Variants in TTC23 observed in about 807,000 individuals in gnomAD.
TTC23 encodes the protein tetratricopeptide repeat domain 23, also known as tetratricopeptide repeat protein 23.
A neutral mutation model predicts 55.1 loss-of-function variants in TTC23; 58 were observed. The ratio of observed to expected loss-of-function variants is 1.05; its 90% CI spans 0.85 to 1.31. The LOEUF (loss-of-function observed/expected upper bound fraction) is 1.31, where lower values mean the gene tolerates loss of function less well. Ranked by LOEUF, TTC23 falls within the 50% of genes most tolerant of loss-of-function variation. TTC23 has a pLI of 0.00. For synonymous variants in TTC23, 203 were observed against 199.9 expected (o/e 1.02, Z -0.13); for missense variants, 516 against 534.4 (o/e 0.97, Z 0.34).
chr15:99,153,148 C>T (rs1241344510), intron 12 of TTC23, among the ~76,000 whole-genome samples: 1 of 152,222 alleles, frequency 6.6e-6, no homozygotes, highest in Non-Finnish European at 1.5e-5. Flanking sequence ...ACGCAGGGAA[C>T]CTGCCACCCT....
intron 5 of TTC23, among the ~76,000 whole-genome samples, chr15:99,222,375 CG>C (rs2078018509): frequency 6.6e-6 from 1 of 152,128 alleles, no homozygotes; most frequent in African/African-American, 2.4e-5. Flanking sequence ...CCAGGGGGCT[CG>C]AGCAATCCTC....
chr15:99,239,294 G>A (rs1241618309), intron 3 of TTC23, among the ~76,000 whole-genome samples: 1 of 152,096 alleles, frequency 6.6e-6, no homozygotes, highest in Non-Finnish European at 1.5e-5. Flanking sequence ...AGACCACCCT[G>A]GCCAACACAG....
chr15:99,146,970 A>T (rs782095093), intron 12 of TTC23, among the ~76,000 whole-genome samples: 3 of 152,084 alleles, frequency 2.0e-5, no homozygotes, highest in Non-Finnish European at 2.9e-5. Flanking sequence ...GCTGGAGTGC[A>T]GCGGTGTGGT....
In TTC23 at chr15:99,232,945, C is replaced by T. The variant is rs2079043930; in HGVS notation, c.-21+2043G>A. ...TGTGGTATGTATACACAATGGAATA[C>T]TACTCAGCCTTAAAAAAGAAGGGCA... On this transcript the variant is annotated intron_variant, in intron 4 of 13. Transcript: ENST00000394132. Among the ~76,000 whole-genome samples, 7 of 152,246 alleles carry T rather than the reference C, an allele frequency of 4.6e-5. No homozygotes were observed. The South Asian group carries it at 1.5e-3, about 32-fold the overall frequency.
chr15:99,150,545 C>G (rs560910290), intron 12 of TTC23, among the ~76,000 whole-genome samples: 1 of 152,260 alleles, frequency 6.6e-6, no homozygotes, highest in South Asian at 2.1e-4. Context: ...TGATGAAATT[C>G]AAGATACAAT....
intron 9 of TTC23, among the ~76,000 whole-genome samples, chr15:99,176,811 A>C (rs1037414172): frequency 6.6e-6 from 1 of 152,222 alleles, no homozygotes. Context: ...GATATCTCAC[A>C]GCTAATAAGA....
In TTC23 at chr15:99,139,333, T is replaced by C. The variant is rs781921683; in HGVS notation, c.1210A>G (p.Met404Val). 1 of 1,613,492 alleles carries C rather than the reference T, an allele frequency of 6.2e-7. No individual in the cohort carries two copies. The highest frequency in any genetic ancestry group is 1.1e-5 in the South Asian group (1 of 91,084). ...DKRTLATQQA[M>V]GMLSTAPKVA... ...CCAACTCACGTGGACAGCATGCCCA[T>C]GGCCTGCTGGGTGGCCAGAGTCCTT... The change falls in exon 13 of 14, where the codon ATG (methionine) becomes GTG (valine). Residue 404 changes from methionine (M) to valine (V), a missense_variant. Coordinates refer to ENST00000394132, the MANE Select transcript of TTC23 (RefSeq NM_001288615.3).
At chr15:99,145,910 A>G (rs2068803200) in intron 12 of TTC23, among the ~76,000 whole-genome samples, 1 of 152,178 alleles carries the variant, frequency 6.6e-6, no homozygotes, top group Non-Finnish European at 1.5e-5. Context: ...TGCCACCCGC[A>G]CAACTCCTCA....
Position 99,221,904 on chromosome 15 carries a change from TAAGAGTC to T in TTC23, c.181-47_181-41del, listed in dbSNP as rs767036993. ...AAACAGGCTTACCAGTTATACAACTTAAGAGTCACAAAACACAAAATCAATGCGCTTT... is the reference window on the plus strand; with the variant it reads ...AAACAGGCTTACCAGTTATACAACTTACAAAACACAAAATCAATGCGCTTT... On this transcript the variant is annotated intron_variant, in intron 5 of 13. Coordinates refer to ENST00000394132, the MANE Select transcript of TTC23 (RefSeq NM_001288615.3). 1.5e-5 allele frequency: 24 copies of T among 1,605,288 alleles called. No homozygotes were observed. In the East Asian group the frequency reaches 5.1e-4, roughly 34 times the overall value.
At chr15:99,197,677 G>A (rs1412482157) in intron 9 of TTC23, among the ~76,000 whole-genome samples, 1 of 151,884 alleles carries the variant, frequency 6.6e-6, no homozygotes, top group Non-Finnish European at 1.5e-5. Context: ...AGTCCAAGGT[G>A]GGCAGATCAC....
intron 3 of TTC23, among the ~76,000 whole-genome samples, chr15:99,236,213 G>A (rs34222749): frequency 0.049 from 7,446 of 152,228 alleles, 267 homozygotes; most frequent in Admixed American, 0.11. Flanking sequence ...AGGAAACATC[G>A]TATTGTTTTC....
At chr15:99,243,961 T>C (rs1567572113) in intron 2 of TTC23, among the ~76,000 whole-genome samples, 1 of 152,074 alleles carries the variant, frequency 6.6e-6, no homozygotes. Context: ...TATTTTAAAA[T>C]AACTAAAAGA....
At chr15:99,242,194 G>GTGTACGCTAGTTAAGAAGCAAAC (rs1337944479) in intron 2 of TTC23, among the ~76,000 whole-genome samples, 1 of 149,438 alleles carries the variant, frequency 6.7e-6, no homozygotes, top group Non-Finnish European at 1.5e-5. Flanking sequence ...ACTAGTGAAA[G>GTGTACGCTAGTTAAGAAGCAAAC]TGTACGCTAG....
chr15:99,206,338 T>A (rs141772927), intron 8 of TTC23, among the ~76,000 whole-genome samples: 1 of 152,166 alleles, frequency 6.6e-6, no homozygotes, highest in African/African-American at 2.4e-5. Context: ...TGAGTTTGGA[T>A]ATACTGCTTC....
At chr15:99,203,269 A>C (rs995971751) in intron 8 of TTC23, among the ~76,000 whole-genome samples, 1 of 152,160 alleles carries the variant, frequency 6.6e-6, no homozygotes, top group African/African-American at 2.4e-5. Flanking sequence ...AGATATATAA[A>C]AGGAGGTACC....
chr15:99,170,076 G>A (rs1248866317), intron 10 of TTC23, among the ~76,000 whole-genome samples: 1 of 152,206 alleles, frequency 6.6e-6, no homozygotes, highest in Non-Finnish European at 1.5e-5. Context: ...ACACTTAGCA[G>A]GGCTGGGAAA....
chr15:99,206,695 TTC>T (rs1288014889), intron 8 of TTC23, among the ~76,000 whole-genome samples: 2 of 152,182 alleles, frequency 1.3e-5, no homozygotes, highest in Non-Finnish European at 2.9e-5. Context: ...CATTTGGGTC[TTC>T]TCTCTGTTTT....
chr15:99,231,201 T>C (rs2078905570), intron 4 of TTC23, among the ~76,000 whole-genome samples: 1 of 152,234 alleles, frequency 6.6e-6, no homozygotes, highest in Non-Finnish European at 1.5e-5. Context: ...GTGATAATAG[T>C]TGATAAATGA....
At chr15:99,175,484 C>T (rs927763467) in intron 9 of TTC23, among the ~76,000 whole-genome samples, 3 of 152,214 alleles carry the variant, frequency 2.0e-5, no homozygotes, top group African/African-American at 4.8e-5. Flanking sequence ...TAGAAGGTGT[C>T]GATGCTGTGC....
Sources: allele counts gnomAD v4.1 joint callset (sites outside exome capture counted in the v4.1 genomes callset), GRCh38; gene constraint gnomAD v4.1.1; transcripts MANE v1.5; gene names NCBI Gene and HGNC (gene_info 2026-07-23, HGNC 2026-07-21).